TMEM178B: variants seen among roughly 807,000 people sequenced by gnomAD.
The protein encoded by TMEM178B is transmembrane protein 178B.
A neutral mutation model predicts 31.0 loss-of-function variants in TMEM178B; 5 were observed. The ratio of observed to expected loss-of-function variants is 0.16; its 90% CI spans 0.08 to 0.34. The LOEUF (loss-of-function observed/expected upper bound fraction) is 0.34. TMEM178B is among the 10% of genes least tolerant of loss of function. TMEM178B has a pLI of 1.00. For missense variants in TMEM178B, 275 were observed against 400.3 expected (o/e 0.69, Z 2.67); for synonymous variants, 164 against 164.0 (o/e 1.00, Z 0.00).
chr7:141,433,925 TG>T (rs1226488222), intron 2 of TMEM178B, among the ~76,000 whole-genome samples: 1 of 152,212 alleles, frequency 6.6e-6, no homozygotes, highest in Non-Finnish European at 1.5e-5. Context: ...TTTTCATTCT[TG>T]TTTCTAGATC....
Position 141,171,731 on chromosome 7 carries a change from C to A in TMEM178B, c.383-40860C>A, listed in dbSNP as rs561655616. ...TTAGACAGGGCAGGGGGTAGAGAGG[C>A]GACAGTTAAGCAAGGCAGTGTGAAC... On this transcript the variant is annotated intron_variant, in intron 1 of 3. Transcript: ENST00000565468. This position sits in a 1 kb window ranked among gnomAD's most constrained non-coding sequence, Gnocchi z 4.3. Among the ~76,000 whole-genome samples the A allele has an allele frequency of 6.6e-6, 1 of 152,098 alleles. No individual in the cohort carries two copies.
chr7:141,415,575 C>T (rs1801081408), intron 2 of TMEM178B: 1 of 152,486 alleles, frequency 6.6e-6, no homozygotes, highest in South Asian at 2.1e-4. Flanking sequence ...TCTCCAGGGG[C>T]CGAGAGGAGG....
chr7:141,378,944 A>G (rs138662866), intron 2 of TMEM178B, among the ~76,000 whole-genome samples: 126 of 152,284 alleles, frequency 8.3e-4, no homozygotes, highest in African/African-American at 2.8e-3. Context: ...TAGATGTGCA[A>G]GTTATGTGAC....
intron 1 of TMEM178B, among the ~76,000 whole-genome samples, chr7:141,148,602 G>T (rs1376972734): frequency 6.6e-6 from 1 of 152,220 alleles, no homozygotes; most frequent in African/African-American, 2.4e-5. Context: ...ATTGAAAAAT[G>T]CCTATTGGAC....
At chr7:141,144,464 T>A (rs1400048033) in intron 1 of TMEM178B, among the ~76,000 whole-genome samples, 1 of 152,224 alleles carries the variant, frequency 6.6e-6, no homozygotes, top group African/African-American at 2.4e-5. Flanking sequence ...CTAATTATTT[T>A]TTCTCTGTTG....
At chr7:141,221,466 G>T (rs1471013881) in intron 2 of TMEM178B, among the ~76,000 whole-genome samples, 3 of 152,222 alleles carry the variant, frequency 2.0e-5, no homozygotes, top group Non-Finnish European at 4.4e-5. Context: ...TCCTGTAGGT[G>T]CTACTTTGGC....
intron 2 of TMEM178B, chr7:141,429,750 A>T (rs1801388829): frequency 6.6e-6 from 1 of 152,230 alleles, no homozygotes; most frequent in South Asian, 2.1e-4. Flanking sequence ...GATGAGCTAG[A>T]TTTAACCTTT....
intron 2 of TMEM178B, among the ~76,000 whole-genome samples, chr7:141,399,134 C>T (rs1800708884): frequency 1.3e-5 from 2 of 152,210 alleles, no homozygotes; most frequent in African/African-American, 4.8e-5. Context: ...TTATCTCCTC[C>T]ATCCTGACTT....
intron 2 of TMEM178B, among the ~76,000 whole-genome samples, chr7:141,217,064 T>C (rs1797164309): frequency 6.6e-6 from 1 of 152,150 alleles, no homozygotes; most frequent in Non-Finnish European, 1.5e-5. Flanking sequence ...TAACAGAATC[T>C]GATTGACAAG....
chr7:141,418,969 A>G (rs1376350374), intron 2 of TMEM178B, among the ~76,000 whole-genome samples: 2 of 152,142 alleles, frequency 1.3e-5, no homozygotes, highest in African/African-American at 4.8e-5. Context: ...GTACAGTAGC[A>G]CAATCCTGGC....
At chr7:141,264,696 C>T (rs1486620713) in intron 2 of TMEM178B, among the ~76,000 whole-genome samples, 2 of 152,286 alleles carry the variant, frequency 1.3e-5, no homozygotes, top group South Asian at 2.1e-4. Context: ...TATATCTTAA[C>T]CTTCAGGACT....
chr7:141,289,714 C>CAAAAAAAAAAAAAAAAAAA (rs35000633), intron 2 of TMEM178B, among the ~76,000 whole-genome samples: 2 of 92,348 alleles, frequency 2.2e-5, no homozygotes, highest in Non-Finnish European at 2.2e-5. Flanking sequence ...GACCCTGTCT[C>CAAAAAAAAAAAAAAAAAAA]AAAAAAAAAA....
chr7:141,430,693 C>A (rs1348527736), intron 2 of TMEM178B, among the ~76,000 whole-genome samples: 15 of 152,144 alleles, frequency 9.9e-5, no homozygotes, highest in African/African-American at 3.6e-4. Context: ...GGAATCTTCC[C>A]TATCCTTTGA....
At chr7:141,259,514 T>A (rs542437653) in intron 2 of TMEM178B, among the ~76,000 whole-genome samples, 33 of 152,284 alleles carry the variant, frequency 2.2e-4, no homozygotes, top group Non-Finnish European at 4.3e-4. Context: ...ATCTCATAAT[T>A]TTTGGTGAAA....
chr7:141,239,358 C>T (rs371465497), intron 2 of TMEM178B, among the ~76,000 whole-genome samples: 31 of 152,060 alleles, frequency 2.0e-4, no homozygotes, highest in African/African-American at 7.0e-4. Context: ...AGCCACTGAG[C>T]GGCAATGGAG....
chr7:141,352,206 T>G (rs1799742143), intron 2 of TMEM178B: 1 of 152,446 alleles, frequency 6.6e-6, no homozygotes, highest in Admixed American at 6.6e-5. Context: ...TGTGCATGTT[T>G]GGAGCTGAAA....
chr7:141,180,527 AG>A (rs1375829018), intron 1 of TMEM178B, among the ~76,000 whole-genome samples: 3 of 151,956 alleles, frequency 2.0e-5, no homozygotes, highest in African/African-American at 7.2e-5. Context: ...TCCATGCAAA[AG>A]TATGTCATTT....
chr7:141,138,682 T>C (rs1386533457), intron 1 of TMEM178B, among the ~76,000 whole-genome samples: 1 of 150,670 alleles, frequency 6.6e-6, no homozygotes, highest in African/African-American at 2.4e-5. Context: ...GACTTACAGG[T>C]TGAAAGTATA....
intron 1 of TMEM178B, among the ~76,000 whole-genome samples, chr7:141,111,880 C>T (rs555758188): frequency 2.6e-5 from 4 of 152,136 alleles, no homozygotes; most frequent in Admixed American, 1.3e-4. Context: ...TTGCCTATAT[C>T]AATATTTTCA....
Sources: gnomAD v4.1 joint callset for allele counts (sites outside exome capture counted in the v4.1 genomes callset) on GRCh38, gnomAD v4.1.1 for gene constraint, Gnocchi (gnomAD v3.1) non-coding constraint, MANE v1.5 for transcripts, NCBI Gene and HGNC (gene_info 2026-07-23, HGNC 2026-07-21) for gene names.